TTF1: variants seen among roughly 807,000 people sequenced by gnomAD.
The protein encoded by TTF1 is transcription termination factor 1, also known as transcription termination factor, RNA polymerase I.
TTF1 carries 64 observed loss-of-function variants against 80.2 expected under a neutral mutation model. The observed-to-expected ratio is 0.80, with a 90% CI of 0.65 to 0.98. The LOEUF is 0.98. Among genes scored for constraint, TTF1 ranks in the 50% least tolerant of loss-of-function variants. The pLI is 0.00. For missense variants in TTF1, 1,023 were observed against 1,086.2 expected, an observed-to-expected ratio of 0.94 and a Z score of 0.82; for synonymous variants, 372 against 382.7, an observed-to-expected ratio of 0.97 and a Z score of 0.33.
intron 1 of TTF1, among the ~76,000 whole-genome samples, chr9:132,405,980 A>G (rs12237839): frequency 1.3e-5 from 2 of 152,166 alleles, no homozygotes; most frequent in African/African-American, 4.8e-5. Flanking sequence ...TTTCTGGTTA[A>G]CAGTGTTTCC....
intron 9 of TTF1, among the ~76,000 whole-genome samples, chr9:132,382,117 CGA>C (rs1377006279): frequency 6.6e-6 from 1 of 152,190 alleles, no homozygotes; most frequent in Non-Finnish European, 1.5e-5. Flanking sequence ...GTTGAGATAT[CGA>C]GAGTGGTGGG....
Position 132,390,667 on chromosome 9 carries a change from T to C in TTF1, c.2152A>G (p.Lys718Glu). ...TCTACTTCTACCCAAGATATGCCCT[T>C]GTAGAGTTTTTCCCGAACAATTGAT... is the stretch of plus-strand genomic sequence containing the variant. ...CLSIVREKLY[K>E]GISWVEVEAK... The change falls in exon 7 of 11, where the codon AAG becomes GAG. Residue 718 changes from lysine (K) to glutamate (E), a missense_variant. Lys to Glu is a moderately conservative substitution (Grantham distance 56). Transcript: ENST00000334270. The C allele has an allele frequency of 6.2e-7, 1 of 1,614,234 alleles. No homozygotes were observed. The highest frequency in any genetic ancestry group is 8.5e-7 in the Non-Finnish European group (1 of 1,180,048).
At chr9:132,376,213 G>T in intron 10 of TTF1, 45 bp from the exon 11 acceptor site, 2 of 1,574,000 alleles carry the variant, frequency 1.3e-6, no homozygotes, top group South Asian at 1.2e-5. Flanking sequence ...TCTGTACAAG[G>T]CCTCTTATCA....
rs1451563279 is a variant in TTF1 at position 132,406,824 on chromosome 9, G to T, written c.-42C>A. 6.6e-6 allele frequency: 1 copy of T among 152,228 alleles called. No individual in the cohort carries two copies. The highest frequency in any genetic ancestry group is 1.5e-5 in the Non-Finnish European group (1 of 68,042). The allele number at this position is 152,228 out of a possible 1,614,324, so 9.4% of individuals were successfully genotyped here. On this transcript the variant is annotated 5_prime_UTR_variant, in exon 1 of 11. Coordinates refer to ENST00000334270, the MANE Select transcript of TTF1 (RefSeq NM_007344.4). ...GCGCCGCCACCTTTCTCCCAACCCGGAAGTGCTGCTGTTGAGGAAGCGGAA... is the reference window on the plus strand; with the variant it reads ...GCGCCGCCACCTTTCTCCCAACCCGTAAGTGCTGCTGTTGAGGAAGCGGAA...
chr9:132,396,418 AGACT>A lies in TTF1; in HGVS notation c.1856+11_1856+14del. ...AGAGAAATGTTGTCTCAAGCTGCTA[AGACT>A]TTTTTCTTACCTGCCTTTGTAATTG... is the stretch of plus-strand genomic sequence containing the variant. On this transcript the variant is annotated intron_variant, in intron 5 of 10. Coordinates refer to ENST00000334270, the MANE Select transcript of TTF1 (RefSeq NM_007344.4). 6.2e-7 allele frequency: 1 copy of A among 1,613,640 alleles called. No homozygotes were observed. Among genetic ancestry groups the A allele is most frequent in the Non-Finnish European group, 8.5e-7 (1 of 1,179,506 alleles).
At chr9:132,388,044 C>G in intron 8 of TTF1, 95 bp downstream of exon 8, 1 of 917,400 alleles carries the variant, frequency 1.1e-6, no homozygotes. Flanking sequence ...GGGATTTGGA[C>G]CTTGGCAATC....
At chr9:132,398,387 A>C in intron 3 of TTF1, 61 bp from the exon 4 acceptor site, 1 of 1,538,044 alleles carries the variant, frequency 6.5e-7, no homozygotes, top group South Asian at 1.2e-5. Context: ...AAGCAAACCT[A>C]TGACTTGGTT....
chr9:132,388,232 C>A lies in TTF1; in HGVS notation c.2223-4G>T. 3.1e-6 allele frequency: 5 copies of A among 1,589,746 alleles called. No individual in the cohort carries two copies. Among genetic ancestry groups the A allele is most frequent in the Non-Finnish European group, 4.3e-6 (5 of 1,162,082 alleles). ...CCTCTTGGTTAGAATTTCTGTCCTA[C>A]ATTAAAAGGAAGAAAAACATAGTTT... On this transcript the variant is annotated splice_region_variant and splice_polypyrimidine_tract_variant and intron_variant, in intron 7 of 10. Transcript: ENST00000334270.
intron 5 of TTF1, among the ~76,000 whole-genome samples, chr9:132,393,684 G>A (rs763655683): frequency 1.1e-4 from 16 of 152,192 alleles, no homozygotes; most frequent in Non-Finnish European, 2.1e-4. Context: ...ATATTTCTGT[G>A]TGTGTGTCTT....
At chr9:132,396,680 T>A (rs1488737855) in intron 4 of TTF1, among the ~76,000 whole-genome samples, 169 bp from the exon 5 acceptor site, 6 of 151,670 alleles carry the variant, frequency 4.0e-5, no homozygotes, top group African/African-American at 1.2e-4. Context: ...GTTTGTTTTT[T>A]TTTTTTTGAG....
intron 7 of TTF1, among the ~76,000 whole-genome samples, chr9:132,388,918 G>A (rs1162067549): frequency 1.3e-5 from 2 of 152,158 alleles, no homozygotes; most frequent in Non-Finnish European, 2.9e-5. Flanking sequence ...AGATACACAC[G>A]CTGATCAACA....
intron 4 of TTF1, among the ~76,000 whole-genome samples, chr9:132,397,538 T>G (rs1192539248): frequency 6.6e-6 from 1 of 152,216 alleles, no homozygotes; most frequent in Non-Finnish European, 1.5e-5. Flanking sequence ...GTGCTTTGTG[T>G]AGCGTACACA....
chr9:132,400,919 A>T (rs769422506), intron 2 of TTF1, among the ~76,000 whole-genome samples: 9 of 152,228 alleles, frequency 5.9e-5, no homozygotes, highest in Non-Finnish European at 1.0e-4. Context: ...GTGAAAATCG[A>T]ATCTGTCTTA....
intron 7 of TTF1, among the ~76,000 whole-genome samples, chr9:132,388,879 A>T (rs1414443189): frequency 1.3e-5 from 2 of 152,260 alleles, no homozygotes; most frequent in Non-Finnish European, 2.9e-5. Flanking sequence ...ATAGATCATT[A>T]GCTGTTATAT....
intron 5 of TTF1, among the ~76,000 whole-genome samples, chr9:132,392,749 T>C (rs965232392): frequency 8.5e-5 from 13 of 152,178 alleles, no homozygotes; most frequent in African/African-American, 2.7e-4. Context: ...AGTTTCCTAG[T>C]AGTCATAGGA....
chr9:132,406,348 T>C (rs914329293), intron 1 of TTF1, among the ~76,000 whole-genome samples: 1 of 152,118 alleles, frequency 6.6e-6, no homozygotes, highest in Non-Finnish European at 1.5e-5. Flanking sequence ...ACGCTTGTCA[T>C]CCCAGCACTT....
At chr9:132,397,009 A>G (rs1849663871) in intron 4 of TTF1, among the ~76,000 whole-genome samples, 1 of 152,168 alleles carries the variant, frequency 6.6e-6, no homozygotes, top group South Asian at 2.1e-4. Context: ...TGCTGGGATT[A>G]CAGGCATGAG....
intron 10 of TTF1, 142 bp from the exon 11 acceptor site, chr9:132,376,310 AC>A (rs1849175625): frequency 1.1e-6 from 1 of 932,102 alleles, no homozygotes; most frequent in African/African-American, 1.7e-5. Flanking sequence ...TGGTTTACCC[AC>A]ATTCACTTCT....
Position 132,398,156 on chromosome 9 carries a change from AC to A in TTF1, c.1761del (p.Phe588LeufsTer41). ...CTAAACTTACCAATGTGTAATCTAA[AC>A]GAGTATCTCCTTTTTAAGTTGGTGA... ...SVITNLKRRY[S>X]FRLHIGRNIA... On this transcript the variant is annotated frameshift_variant, in exon 4 of 11. Transcript: ENST00000334270. LOFTEE classifies it high-confidence loss of function. 6.3e-7 allele frequency: 1 copy of A among 1,586,590 alleles called. No homozygotes were observed. Among genetic ancestry groups the A allele is most frequent in the South Asian group, 1.2e-5 (1 of 86,124 alleles).
Sources: gnomAD v4.1 joint callset for allele counts (sites outside exome capture counted in the v4.1 genomes callset) on GRCh38, gnomAD v4.1.1 for gene constraint, MANE v1.5 for transcripts, NCBI Gene and HGNC (gene_info 2026-07-23, HGNC 2026-07-21) for gene names.